PCDH15: variants seen among roughly 807,000 people sequenced by gnomAD.
PCDH15 encodes protocadherin-15.
In PCDH15, 129 loss-of-function variants were observed where a neutral mutation model predicts 178.5. The observed-to-expected ratio is 0.72, with a 90% CI of 0.63 to 0.84. PCDH15 has a LOEUF of 0.84. Ranked by LOEUF, PCDH15 falls within the 40% of genes least tolerant of loss-of-function variation. The pLI, the probability that PCDH15 is intolerant of heterozygous loss-of-function variation, is 0.00. For missense variants in PCDH15, 2,230 were observed against 2,099.9 expected, an observed-to-expected ratio of 1.06 and a Z score of -1.21; for synonymous variants, 800 against 732.0, an observed-to-expected ratio of 1.09 and a Z score of -1.50.
chr10:54,019,828 T>C (rs980881299), intron 20 of PCDH15, among the ~76,000 whole-genome samples: 7 of 151,970 alleles, frequency 4.6e-5, no homozygotes, highest in African/African-American at 1.7e-4. Flanking sequence ...CAGAGTCATA[T>C]ATAAAATTTT....
chr10:53,878,574 A>C (rs1387887405), intron 26 of PCDH15, among the ~76,000 whole-genome samples: 3 of 149,390 alleles, frequency 2.0e-5, no homozygotes, highest in Non-Finnish European at 4.4e-5. Context: ...ACCTCAGCTT[A>C]AATGACCCCT....
Position 55,053,881 on chromosome 10 carries a change from T to C in PCDH15, c.-80+112695A>G, listed in dbSNP as rs116109172. On this transcript the variant is annotated intron_variant, in intron 2 of 5. Transcript: ENST00000458638. ...ATTGCTTCTCTTCAAAAGGCATTAG[T>C]TTCTTAATTTACCTAGATGTATTTT... Among the ~76,000 whole-genome samples, 948 of 152,314 alleles carry C rather than the reference T, an allele frequency of 6.2e-3. 11 individuals carry two copies. Among genetic ancestry groups the C allele is most frequent in the African/African-American group, 0.022 (907 of 41,572 alleles).
At position 53,964,050 on chromosome 10, in the gene PCDH15, C is replaced by T. The variant is rs375267217; in HGVS notation, c.2869-2158G>A. ...CTTTCACACATTTTCCTTGTTCCTG[C>T]CTCCTTGGCTTTGCCAAGGCAATAG... On this transcript the variant is annotated intron_variant, in intron 21 of 37. Transcript: ENST00000644397. Among the ~76,000 whole-genome samples the T allele has an allele frequency of 5.3e-5, 8 of 152,298 alleles. No individual in the cohort carries two copies. In the East Asian group the frequency reaches 1.4e-3, roughly 26 times the overall value.
chr10:53,995,045 G>A (rs2091758553), intron 21 of PCDH15: 1 of 151,396 alleles, frequency 6.6e-6, no homozygotes, highest in South Asian at 2.1e-4. Flanking sequence ...TATAAAACAA[G>A]GTATTTATAG....
intron 3 of PCDH15, among the ~76,000 whole-genome samples, chr10:54,853,366 CATATAT>C (rs375046492): frequency 1.5e-5 from 2 of 137,090 alleles, no homozygotes; most frequent in Non-Finnish European, 3.1e-5. Flanking sequence ...TACACACACA[CATATAT>C]ATATACACAT....
chr10:54,886,258 AT>A (rs374430383), intron 3 of PCDH15, among the ~76,000 whole-genome samples: 532 of 152,244 alleles, frequency 3.5e-3, no homozygotes, highest in South Asian at 5.6e-3. Flanking sequence ...GATCTCTTTC[AT>A]TTTTTAAAAA....
At chr10:54,854,535 G>T (rs887876753) in intron 3 of PCDH15, among the ~76,000 whole-genome samples, 2 of 152,132 alleles carry the variant, frequency 1.3e-5, no homozygotes, top group South Asian at 4.1e-4. Context: ...GCTCCTTTCT[G>T]CAGCCAGAGT....
rs535006231 is a variant in PCDH15 at position 54,433,934 on chromosome 10, G to A, written c.158-54992C>T. Among the ~76,000 whole-genome samples, 39 of 152,254 alleles carry A rather than the reference G, an allele frequency of 2.6e-4. No individual in the cohort carries two copies. The South Asian group carries it at 4.1e-3, about 16-fold the overall frequency. On this transcript the variant is annotated intron_variant, in intron 3 of 37. Coordinates refer to ENST00000644397, the MANE Select transcript of PCDH15 (RefSeq NM_001384140.1). ...GCACAAGAAGGCATTGTTATTATAG[G>A]AGACAACAGCTCCATGTGTGCTATT...
intron 1 of PCDH15, among the ~76,000 whole-genome samples, chr10:55,197,069 C>G (rs1161166852): frequency 6.6e-6 from 1 of 151,802 alleles, no homozygotes. Flanking sequence ...ACTAGGTGAG[C>G]CACCTAGTTA....
At chr10:55,442,470 TTATATATATATTATA>T (rs1247806561) in intron 2 of PCDH15, among the ~76,000 whole-genome samples, 7 of 124,698 alleles carry the variant, frequency 5.6e-5, no homozygotes, top group Non-Finnish European at 1.1e-4. Context: ...TATATATATA[TTATATATATATTATA>T]TATATATATA....
intron 8 of PCDH15, among the ~76,000 whole-genome samples, chr10:54,292,640 A>G (rs1418518996): frequency 1.3e-5 from 2 of 152,232 alleles, no homozygotes; most frequent in Non-Finnish European, 2.9e-5. Flanking sequence ...ATACAAAATC[A>G]ATGTGCAAAA....
At chr10:54,089,220 G>A (rs1444105155) in intron 16 of PCDH15, among the ~76,000 whole-genome samples, 4 of 152,146 alleles carry the variant, frequency 2.6e-5, no homozygotes, top group Non-Finnish European at 4.4e-5. Flanking sequence ...AGTCTGATGT[G>A]GCAATGTATT....
At chr10:54,226,203 G>A (rs560904455) in intron 9 of PCDH15, among the ~76,000 whole-genome samples, 6 of 152,172 alleles carry the variant, frequency 3.9e-5, no homozygotes, top group Non-Finnish European at 5.9e-5. Flanking sequence ...CACACTCATG[G>A]TGGAAGGCAA....
chr10:54,845,290 T>G (rs1953488908), intron 3 of PCDH15, among the ~76,000 whole-genome samples: 1 of 151,898 alleles, frequency 6.6e-6, no homozygotes, highest in Admixed American at 6.6e-5. Flanking sequence ...GGGAGAAAAC[T>G]AAGGGTTTTC....
At chr10:54,407,557 CAT>C (rs1477788562) in intron 3 of PCDH15, among the ~76,000 whole-genome samples, 1 of 151,932 alleles carries the variant, frequency 6.6e-6, no homozygotes, top group African/African-American at 2.4e-5. Context: ...GCATTTGTCA[CAT>C]GTTTTTGCTG....
At chr10:55,619,053 A>C (rs1370360804) in intron 2 of PCDH15, among the ~76,000 whole-genome samples, 2 of 152,066 alleles carry the variant, frequency 1.3e-5, no homozygotes, top group Admixed American at 6.6e-5. Context: ...TCAACACTGT[A>C]CTGTGAAGGT....
intron 11 of PCDH15, among the ~76,000 whole-genome samples, chr10:54,193,845 T>A (rs1350788691): frequency 5.3e-5 from 8 of 152,112 alleles, no homozygotes; most frequent in Non-Finnish European, 1.0e-4. Context: ...TTTCTACTGT[T>A]TACTAACACT....
At chr10:54,306,864 T>A (rs1179030736) in intron 8 of PCDH15, among the ~76,000 whole-genome samples, 1 of 150,302 alleles carries the variant, frequency 6.7e-6, no homozygotes, top group Non-Finnish European at 1.5e-5. Flanking sequence ...CTAAAACACA[T>A]AGGTATGGCT....
At position 53,828,207 on chromosome 10, in the gene PCDH15, C is replaced by CAAAAAAAAAAA. The variant is rs71004480; in HGVS notation, c.4211+347_4211+357dup. 1.1e-3 allele frequency among the ~76,000 whole-genome samples: 59 copies of CAAAAAAAAAAA among 53,772 alleles called. 2 individuals carry two copies. Among genetic ancestry groups the CAAAAAAAAAAA allele is most frequent in the African/African-American group, 3.8e-3 (53 of 13,892 alleles). 35.3% of individuals were successfully genotyped at this position (53,772 alleles called of 152,430 possible). On this transcript the variant is annotated intron_variant, in intron 31 of 37. Coordinates refer to ENST00000644397, the MANE Select transcript of PCDH15 (RefSeq NM_001384140.1). The stretch of plus-strand genomic sequence containing the variant: ...GCCAACAAGAGCAAAAAGTCCGTCT[C>CAAAAAAAAAAA]AAAAAAAAAAAAAAAAAAAAAAAAA...
Sources: allele counts gnomAD v4.1 joint callset (sites outside exome capture counted in the v4.1 genomes callset), GRCh38; gene constraint gnomAD v4.1.1; transcripts MANE v1.5; gene names NCBI Gene and HGNC (gene_info 2026-07-23, HGNC 2026-07-21).